The following ZC3H12B variants were observed in gnomAD, a reference collection of about 807,000 sequenced individuals.
The protein encoded by ZC3H12B is zinc finger CCCH-type containing 12B.
Under a neutral mutation model 43.9 loss-of-function variants are expected in ZC3H12B, and 7 were observed. The observed-to-expected ratio is 0.16, with a 90% CI of 0.09 to 0.30. ZC3H12B has a LOEUF of 0.30. Among genes scored for constraint, ZC3H12B ranks in the 10% least tolerant of loss-of-function variants. The probability of loss-of-function intolerance (pLI) is 1.00; values close to 1 mark genes in which losing one functional copy is unlikely to be tolerated. For missense variants in ZC3H12B, 475 were observed against 670.2 expected (o/e 0.71, Z 3.22); for synonymous variants, 222 against 241.7 (o/e 0.92, Z 0.76).
At chrX:65,035,002 G>A in the ZC3H12B span, among the ~76,000 whole-genome samples, 23 of 112,661 alleles carry the variant, frequency 2.0e-4, no homozygotes, top group African/African-American at 7.4e-4. Flanking sequence ...TACCCCAGGA[G>A]GGTCCGGGCC....
the ZC3H12B span, among the ~76,000 whole-genome samples, chrX:65,135,885 G>T: frequency 9.4e-6 from 1 of 106,511 alleles, no homozygotes; most frequent in African/African-American, 3.4e-5. Context: ...ATCTCCATTT[G>T]GTTCTTCATT....
the ZC3H12B span, among the ~76,000 whole-genome samples, chrX:65,241,936 C>A: frequency 9.0e-6 from 1 of 111,428 alleles, no homozygotes; most frequent in Admixed American, 9.5e-5. Flanking sequence ...TGAGCCTGAA[C>A]TACTGTTCTG....
chrX:65,421,418 A>G (rs1602412366), intron 3 of ZC3H12B, among the ~76,000 whole-genome samples: 1 of 112,336 alleles, frequency 8.9e-6, no homozygotes, highest in Non-Finnish European at 1.9e-5. Flanking sequence ...CTGAGTCCTC[A>G]GTACAGCATT....
chrX:65,036,252 T>A, the ZC3H12B span, among the ~76,000 whole-genome samples: 1 of 112,013 alleles, frequency 8.9e-6, no homozygotes, highest in Non-Finnish European at 1.9e-5. Flanking sequence ...AGATGACACC[T>A]ATCAAAAGCA....
At chrX:65,204,390 A>G in the ZC3H12B span, among the ~76,000 whole-genome samples, 1 of 111,657 alleles carries the variant, frequency 9.0e-6, no homozygotes, top group East Asian at 2.8e-4. Flanking sequence ...TTTAGATTTA[A>G]CTAGAATTAT....
the ZC3H12B span, among the ~76,000 whole-genome samples, chrX:65,115,420 A>G: frequency 3.6e-5 from 4 of 111,168 alleles, no homozygotes; most frequent in African/African-American, 1.3e-4. Flanking sequence ...ATTCAATGGT[A>G]TATATTTACC....
the ZC3H12B span, among the ~76,000 whole-genome samples, chrX:65,213,274 C>G: frequency 9.0e-6 from 1 of 110,524 alleles, no homozygotes; most frequent in Non-Finnish European, 1.9e-5. Flanking sequence ...TATACTCTAT[C>G]TACCACATTT....
At chrX:65,206,419 C>A in the ZC3H12B span, among the ~76,000 whole-genome samples, 1 of 111,505 alleles carries the variant, frequency 9.0e-6, no homozygotes. Flanking sequence ...GGAAAGGACA[C>A]CCTATTCAAC....
the ZC3H12B span, among the ~76,000 whole-genome samples, chrX:65,191,864 G>C: frequency 9.7e-6 from 1 of 103,102 alleles, no homozygotes; most frequent in Non-Finnish European, 2.0e-5. Context: ...GTTTGCTCTT[G>C]CTTTTCTAGT....
the ZC3H12B span, among the ~76,000 whole-genome samples, chrX:65,144,709 C>T: frequency 9.0e-5 from 10 of 111,133 alleles, no homozygotes; most frequent in Admixed American, 9.5e-4. Context: ...TTTTAATTTT[C>T]ATCTTGATTT....
At chrX:65,218,672 C>G in the ZC3H12B span, among the ~76,000 whole-genome samples, 4 of 111,082 alleles carry the variant, frequency 3.6e-5, no homozygotes, top group African/African-American at 1.3e-4. Flanking sequence ...AAGCCCTGCC[C>G]AAGCAGAGTC....
At chrX:65,400,365 G>A (rs749283634) in intron 3 of ZC3H12B, among the ~76,000 whole-genome samples, 2 of 110,497 alleles carry the variant, frequency 1.8e-5, no homozygotes, top group South Asian at 3.8e-4. Context: ...TAAACTCAAA[G>A]GTCATCAGAT....
chrX:65,224,999 T>A, the ZC3H12B span, among the ~76,000 whole-genome samples: 1 of 111,821 alleles, frequency 8.9e-6, no homozygotes, highest in Admixed American at 9.4e-5. Flanking sequence ...AATGTCCCTG[T>A]CTGACAGAGT....
intron 3 of ZC3H12B, among the ~76,000 whole-genome samples, chrX:65,451,071 G>A (rs374036101): frequency 5.6e-5 from 6 of 107,377 alleles, no homozygotes; most frequent in South Asian, 4.1e-4. Context: ...CCTCAGCCTC[G>A]CAAACAACTG....
intron 3 of ZC3H12B, among the ~76,000 whole-genome samples, chrX:65,458,084 T>TA (rs2067659998): frequency 4.1e-5 from 2 of 48,988 alleles, no homozygotes; most frequent in Admixed American, 2.1e-4. Flanking sequence ...AAAAAAAAAA[T>TA]TAAAAAAAAA....
chrX:65,209,700 G>T, the ZC3H12B span, among the ~76,000 whole-genome samples: 3 of 109,780 alleles, frequency 2.7e-5, no homozygotes, highest in East Asian at 8.6e-4. Flanking sequence ...AAACAGCATG[G>T]TACTGGTACC....
intron 3 of ZC3H12B, among the ~76,000 whole-genome samples, chrX:65,435,827 C>T (rs2067215272): frequency 8.9e-6 from 1 of 111,781 alleles, no homozygotes. Flanking sequence ...TAGCCCAATT[C>T]AAATCTGAAA....
At chrX:65,435,815 G>A (rs778317034) in intron 3 of ZC3H12B, among the ~76,000 whole-genome samples, 4 of 111,748 alleles carry the variant, frequency 3.6e-5, no homozygotes, top group Non-Finnish European at 7.5e-5. Context: ...AAGACAATAG[G>A]TTAGCCCAAT....
chrX:65,206,331 C>G, the ZC3H12B span, among the ~76,000 whole-genome samples: 1 of 111,729 alleles, frequency 9.0e-6, no homozygotes. Flanking sequence ...AACAATGGAA[C>G]AGAATAGAGA....
Sources: allele counts gnomAD v4.1 joint callset (sites outside exome capture counted in the v4.1 genomes callset), GRCh38; gene constraint gnomAD v4.1.1; transcripts MANE v1.5; gene names NCBI Gene and HGNC (gene_info 2026-07-23, HGNC 2026-07-21).